Variants in CNTN3 observed in about 807,000 individuals in gnomAD.
CNTN3 encodes the protein contactin-3.
A neutral mutation model predicts 119.1 loss-of-function variants in CNTN3; 60 were observed. That is an observed-to-expected ratio of 0.50 (90% CI 0.41 to 0.62). CNTN3 has a LOEUF of 0.62. CNTN3 is among the 20% of genes least tolerant of loss of function. CNTN3 has a pLI of 0.00. For synonymous variants in CNTN3, 450 were observed against 438.7 expected, an observed-to-expected ratio of 1.03 and a Z score of -0.32; for missense variants, 1,101 against 1,242.4, an observed-to-expected ratio of 0.89 and a Z score of 1.71.
chr3:74,504,098 T>G (rs11709354), intron 2 of CNTN3, among the ~76,000 whole-genome samples: 6 of 151,898 alleles, frequency 4.0e-5, no homozygotes, highest in Non-Finnish European at 5.9e-5. Context: ...GCTGCATCAC[T>G]CTACTAAAAG....
At chr3:74,396,071 T>A (rs1345430103) in intron 5 of CNTN3, among the ~76,000 whole-genome samples, 1 of 152,182 alleles carries the variant, frequency 6.6e-6, no homozygotes, top group African/African-American at 2.4e-5. Flanking sequence ...CTCTCTCTCT[T>A]TTCTCCTCTC....
At chr3:74,455,686 A>C (rs1702254995) in intron 4 of CNTN3, among the ~76,000 whole-genome samples, 1 of 151,696 alleles carries the variant, frequency 6.6e-6, no homozygotes, top group Non-Finnish European at 1.5e-5. Flanking sequence ...TTTGGTGTGG[A>C]TGTCCTTTCT....
At chr3:74,367,735 C>T (rs1230836611) in intron 8 of CNTN3, among the ~76,000 whole-genome samples, 1 of 151,916 alleles carries the variant, frequency 6.6e-6, no homozygotes, top group Non-Finnish European at 1.5e-5. Context: ...GACAATTTAG[C>T]TTTGGATTTC....
intron 5 of CNTN3, among the ~76,000 whole-genome samples, chr3:74,422,981 CAG>C (rs146343799): frequency 0.016 from 2,472 of 152,180 alleles, 38 homozygotes; most frequent in Middle Eastern, 0.041. Flanking sequence ...CATAGAGAAA[CAG>C]GGTGTCTGCT....
chr3:74,352,822 A>G (rs1703848576), intron 11 of CNTN3, among the ~76,000 whole-genome samples: 1 of 152,198 alleles, frequency 6.6e-6, no homozygotes, highest in Admixed American at 6.5e-5. Flanking sequence ...AAGATACAAA[A>G]GCAAAAGACT....
chr3:74,422,090 G>T (rs921668638), intron 5 of CNTN3, among the ~76,000 whole-genome samples: 1 of 152,108 alleles, frequency 6.6e-6, no homozygotes, highest in Non-Finnish European at 1.5e-5. Flanking sequence ...TTTACTGTTT[G>T]TTACAAACCA....
intron 1 of CNTN3, among the ~76,000 whole-genome samples, chr3:74,588,069 T>C (rs992464462): frequency 2.0e-5 from 3 of 152,166 alleles, no homozygotes; most frequent in Non-Finnish European, 4.4e-5. Flanking sequence ...TTTTTGTCTT[T>C]GGTTCTGTTT....
chr3:74,402,568 T>C (rs750185387), intron 5 of CNTN3, among the ~76,000 whole-genome samples: 3 of 152,184 alleles, frequency 2.0e-5, no homozygotes, highest in Non-Finnish European at 2.9e-5. Flanking sequence ...CATCTGTTAA[T>C]AGAGTGCCTT....
chr3:74,558,833 A>T (rs1704108666), intron 1 of CNTN3, among the ~76,000 whole-genome samples: 1 of 151,850 alleles, frequency 6.6e-6, no homozygotes, highest in Non-Finnish European at 1.5e-5. Flanking sequence ...AATACAAAAA[A>T]ATTAGACAGG....
intron 12 of CNTN3, among the ~76,000 whole-genome samples, chr3:74,335,123 A>T (rs1291863248): frequency 6.6e-6 from 1 of 152,188 alleles, no homozygotes; most frequent in African/African-American, 2.4e-5. Context: ...TTGTTAAAGA[A>T]ATTAGGATAT....
intron 5 of CNTN3, among the ~76,000 whole-genome samples, chr3:74,404,561 T>C (rs1028287433): frequency 6.6e-6 from 1 of 152,034 alleles, no homozygotes; most frequent in African/African-American, 2.4e-5. Context: ...GACATCAACA[T>C]GTTCTTAATA....
chr3:74,266,200 C>T lies in CNTN3; in HGVS notation c.2986+281G>A, dbSNP rs200213719. Among the ~76,000 whole-genome samples the T allele has an allele frequency of 3.9e-5, 6 of 152,074 alleles. No individual in the cohort carries two copies. The East Asian group carries it at 7.7e-4, about 20-fold the overall frequency. On this transcript the variant is annotated intron_variant, in intron 22 of 22. Transcript: ENST00000263665. ...TCTGCTTTTATAGGAGATCCAAAGG[C>T]AAATTTAAGTAAAACTCAGAATAAG... is the stretch of plus-strand genomic sequence containing the variant.
intron 1 of CNTN3, among the ~76,000 whole-genome samples, chr3:74,599,369 A>T (rs1032470175): frequency 6.6e-6 from 1 of 152,088 alleles, no homozygotes; most frequent in Non-Finnish European, 1.5e-5. Context: ...TTTAATCTGA[A>T]ACTTGGTAGA....
chr3:74,326,286 T>A (rs1703129025), intron 13 of CNTN3, among the ~76,000 whole-genome samples: 1 of 152,182 alleles, frequency 6.6e-6, no homozygotes, highest in Non-Finnish European at 1.5e-5. Flanking sequence ...TTCTCATTGG[T>A]TATTGTTGAT....
chr3:74,528,235 G>A (rs1291710470), intron 1 of CNTN3, among the ~76,000 whole-genome samples: 1 of 151,690 alleles, frequency 6.6e-6, no homozygotes, highest in Non-Finnish European at 1.5e-5. Flanking sequence ...CGATAATGAA[G>A]AATGTACCTT....
chr3:74,317,450 T>C (rs1479991818), intron 13 of CNTN3, among the ~76,000 whole-genome samples: 2 of 152,220 alleles, frequency 1.3e-5, no homozygotes, highest in Non-Finnish European at 2.9e-5. Context: ...CTTTACATTT[T>C]AGCATGTTTT....
At chr3:74,548,727 A>G (rs1325826108) in intron 1 of CNTN3, among the ~76,000 whole-genome samples, 1 of 152,232 alleles carries the variant, frequency 6.6e-6, no homozygotes, top group East Asian at 1.9e-4. Context: ...ACATTATTCA[A>G]TGACCTGCTG....
chr3:74,526,985 T>C (rs950659812), intron 1 of CNTN3, among the ~76,000 whole-genome samples: 2 of 151,920 alleles, frequency 1.3e-5, no homozygotes, highest in Non-Finnish European at 2.9e-5. Context: ...CAAATGCACA[T>C]AGACAGACAT....
chr3:74,520,735 A>C (rs1703529765), intron 2 of CNTN3, among the ~76,000 whole-genome samples: 1 of 151,142 alleles, frequency 6.6e-6, no homozygotes, highest in African/African-American at 2.4e-5. Context: ...CACCTCTTTA[A>C]GTTCCTTTGG....
Sources: allele counts gnomAD v4.1 joint callset (sites outside exome capture counted in the v4.1 genomes callset), GRCh38; gene constraint gnomAD v4.1.1; transcripts MANE v1.5; gene names NCBI Gene and HGNC (gene_info 2026-07-23, HGNC 2026-07-21).